The following TBC1D5 variants were observed in gnomAD, a reference collection of about 807,000 sequenced individuals.
The protein encoded by TBC1D5 is TBC1 domain family member 5, also known as TBC1 domain family, member 5.
Under a neutral mutation model 100.3 loss-of-function variants are expected in TBC1D5, and 75 were observed. That is an observed-to-expected ratio of 0.75 (90% CI 0.62 to 0.91). The LOEUF is 0.91. Among genes scored for constraint, TBC1D5 ranks in the 40% least tolerant of loss-of-function variants. The pLI is 0.00. For synonymous variants in TBC1D5, 323 were observed against 325.6 expected, an observed-to-expected ratio of 0.99 and a Z score of 0.09; for missense variants, 910 against 942.4, an observed-to-expected ratio of 0.97 and a Z score of 0.45.
chr3:17,289,201 C>T (rs11128821), intron 15 of TBC1D5, among the ~76,000 whole-genome samples: 9,759 of 152,254 alleles, frequency 0.064, 627 homozygotes, highest in African/African-American at 0.16. Flanking sequence ...AGACCCTGCA[C>T]TCGCTTGCCC....
rs139253980 is a variant in TBC1D5 at position 17,387,068 on chromosome 3, CTT to C, written c.510-3055_510-3054del. Reference sequence around the variant, plus strand: ...AATTTGTGAAGTTTCATGGCACTCTCTTTGTTAGAAAACTATAACTTGTTCTT... The same window carrying C: ...AATTTGTGAAGTTTCATGGCACTCTCTGTTAGAAAACTATAACTTGTTCTT... On this transcript the variant is annotated intron_variant, in intron 8 of 21. Transcript: ENST00000253692. Among the ~76,000 whole-genome samples the C allele has an allele frequency of 3.4e-3, 525 of 152,248 alleles. 2 individuals are homozygous for C. The highest frequency in any genetic ancestry group is 0.012 in the African/African-American group (507 of 41,562).
intron 15 of TBC1D5, among the ~76,000 whole-genome samples, chr3:17,286,471 C>T (rs1575135296): frequency 6.6e-6 from 1 of 152,112 alleles, no homozygotes; most frequent in East Asian, 1.9e-4. Context: ...TCCTTCTATC[C>T]CTCTAACTTC....
At chr3:17,516,986 A>G (rs1044872093) in intron 2 of TBC1D5, among the ~76,000 whole-genome samples, 6 of 152,200 alleles carry the variant, frequency 3.9e-5, no homozygotes, top group Admixed American at 2.0e-4. Context: ...TGCTCTTCAT[A>G]TCATTCAGGT....
chr3:17,597,969 C>T (rs2153582083), intron 2 of TBC1D5, among the ~76,000 whole-genome samples: 1 of 151,658 alleles, frequency 6.6e-6, no homozygotes, highest in Middle Eastern at 3.4e-3. Flanking sequence ...TTCAATTTAG[C>T]TTAAAATAAG....
intron 14 of TBC1D5, among the ~76,000 whole-genome samples, chr3:17,297,911 G>A (rs1314490665): frequency 1.3e-5 from 2 of 152,030 alleles, no homozygotes; most frequent in Non-Finnish European, 2.9e-5. Flanking sequence ...GTCTTTTAAT[G>A]CAAACTGTGA....
intron 3 of TBC1D5, among the ~76,000 whole-genome samples, chr3:17,457,976 A>G (rs112609860): frequency 1.3e-5 from 2 of 152,186 alleles, no homozygotes; most frequent in African/African-American, 4.8e-5. Context: ...TTTAGTTTGT[A>G]AAAATATTTC....
exon 3 of TBC1D5, chr3:17,508,574 G>A (rs2095868349): frequency 6.2e-7 from 1 of 1,611,044 alleles, no homozygotes; most frequent in Non-Finnish European, 8.5e-7. Context: ...GATACATTGT[G>A]GGAACTGGAC....
rs1302773445 is a variant in TBC1D5 at position 17,458,735 on chromosome 3, A to T, written c.98-30216T>A. On this transcript the variant is annotated intron_variant, in intron 3 of 21. Transcript: ENST00000253692. The stretch of plus-strand genomic sequence containing the variant: ...CTGTGAACTTGATTTTCAGCTTTTC[A>T]TTGTTTTACATTTGGGAGTGATGTC... Among the ~76,000 whole-genome samples the T allele has an allele frequency of 2.0e-5, 3 of 152,278 alleles. No homozygotes were observed. The East Asian group carries it at 5.8e-4, about 29-fold the overall frequency.
chr3:17,577,886 T>G (rs947526745), intron 2 of TBC1D5, among the ~76,000 whole-genome samples: 5 of 151,936 alleles, frequency 3.3e-5, no homozygotes, highest in African/African-American at 1.2e-4. Flanking sequence ...AAGCCATATG[T>G]TTTTTCCCAT....
chr3:17,335,428 CAAA>C (rs2087571566), intron 13 of TBC1D5, among the ~76,000 whole-genome samples: 2 of 151,978 alleles, frequency 1.3e-5, no homozygotes, highest in Admixed American at 6.6e-5. Flanking sequence ...TTCTGGTGGT[CAAA>C]GCAGCAGTGC....
intron 3 of TBC1D5, among the ~76,000 whole-genome samples, chr3:17,478,591 T>C (rs1457702329): frequency 2.0e-5 from 3 of 152,226 alleles, no homozygotes; most frequent in Non-Finnish European, 4.4e-5. Flanking sequence ...CTTAAAATTA[T>C]TATAGGATTG....
rs527597868 is a variant in TBC1D5 at position 17,462,322 on chromosome 3, A to ATTTTT, written c.98-33808_98-33804dup. Among the ~76,000 whole-genome samples, 778 of 132,594 alleles carry ATTTTT rather than the reference A, an allele frequency of 5.9e-3. 11 individuals are homozygous for ATTTTT. Among genetic ancestry groups the ATTTTT allele is most frequent in the African/African-American group, 0.021 (734 of 35,080 alleles). 87.0% of individuals were successfully genotyped at this position (132,594 alleles called of 152,430 possible). ...CTATATTTAAATGTTTCGGACCTTA[A>ATTTTT]TTTTTTTTTTTTTTTTTTTGAGCCA... On this transcript the variant is annotated intron_variant, in intron 3 of 21. Coordinates refer to ENST00000253692, the Ensembl canonical transcript of TBC1D5.
intron 13 of TBC1D5, among the ~76,000 whole-genome samples, chr3:17,356,683 C>T (rs1304729452): frequency 6.6e-6 from 1 of 152,198 alleles, no homozygotes; most frequent in African/African-American, 2.4e-5. Flanking sequence ...AAGAGCCAAA[C>T]TTCTGACCAA....
intron 16 of TBC1D5, among the ~76,000 whole-genome samples, chr3:17,256,479 T>C (rs1462040738): frequency 1.4e-5 from 2 of 147,530 alleles, no homozygotes; most frequent in East Asian, 4.0e-4. Flanking sequence ...CAATGTGTTA[T>C]ATATATATAA....
intron 1 of TBC1D5, among the ~76,000 whole-genome samples, chr3:17,662,426 T>C (rs1241125921): frequency 6.6e-6 from 1 of 152,214 alleles, no homozygotes; most frequent in Non-Finnish European, 1.5e-5. Context: ...ACCAATGCTA[T>C]TAAAAGTATA....
exon 22 of TBC1D5, chr3:17,159,078 G>A (rs2065823504): frequency 6.6e-6 from 1 of 152,226 alleles, no homozygotes; most frequent in Non-Finnish European, 1.5e-5. Flanking sequence ...ACTCAGAGGT[G>A]CTGAGAGGAA....
At chr3:17,166,650 GAA>G in intron 21 of TBC1D5, 115 bp downstream of exon 22, 1 of 1,409,026 alleles carries the variant, frequency 7.1e-7, no homozygotes, top group Non-Finnish European at 9.6e-7. Context: ...CTCCGCAGTT[GAA>G]CTTCATACAT....
intron 2 of TBC1D5, among the ~76,000 whole-genome samples, chr3:17,540,307 T>C (rs1461541740): frequency 1.3e-5 from 2 of 152,222 alleles, no homozygotes; most frequent in Non-Finnish European, 2.9e-5. Flanking sequence ...TTATTGACAG[T>C]GTCTTTTGAT....
chr3:17,326,417 T>C (rs2086142527), intron 13 of TBC1D5, among the ~76,000 whole-genome samples: 1 of 152,190 alleles, frequency 6.6e-6, no homozygotes, highest in African/African-American at 2.4e-5. Flanking sequence ...AAGAGTAAAA[T>C]GTGCTTGCTC....
Sources: gnomAD v4.1 joint callset for allele counts (sites outside exome capture counted in the v4.1 genomes callset) on GRCh38, gnomAD v4.1.1 for gene constraint, MANE v1.5 for transcripts, NCBI Gene and HGNC (gene_info 2026-07-23, HGNC 2026-07-21) for gene names.